MDN1: variants seen among roughly 807,000 people sequenced by gnomAD.
The protein encoded by MDN1 is midasin AAA ATPase 1.
In MDN1, 266 loss-of-function variants were observed where a neutral mutation model predicts 669.2. The observed-to-expected ratio is 0.40, with a 90% CI of 0.36 to 0.44. The LOEUF (loss-of-function observed/expected upper bound fraction) is 0.44. Ranked by LOEUF, MDN1 falls within the 20% of genes least tolerant of loss-of-function variation. MDN1 has a pLI of 1.00. For synonymous variants in MDN1, 2,385 were observed against 2,457.1 expected (o/e 0.97, Z 0.87); for missense variants, 5,940 against 6,754.0 (o/e 0.88, Z 4.22).
chr6:89,814,760 C>T (rs139976960), intron 1 of MDN1: 7,321 of 397,802 alleles, frequency 0.018, 131 homozygotes, highest in South Asian at 0.049. Flanking sequence ...CAGCAAGGAG[C>T]GGCAGCCTAT....
At chr6:89,777,580 G>C (rs1481741170) in intron 11 of MDN1, among the ~76,000 whole-genome samples, 2 of 152,152 alleles carry the variant, frequency 1.3e-5, no homozygotes, top group Non-Finnish European at 2.9e-5. Flanking sequence ...TAAAATGTAG[G>C]TGTAGTTTCT....
chr6:89,753,584 T>C lies in MDN1; in HGVS notation c.3003A>G (p.Ala1001=). 1 of 1,613,972 alleles carries C rather than the reference T, an allele frequency of 6.2e-7. No individual in the cohort carries two copies. The highest frequency in any genetic ancestry group is 1.1e-5 in the South Asian group (1 of 91,076). ...TGAGCTTCTGAACTATTGGGTGTGA[T>C]GCCCTGTCAAGCTGTGTTAAGAAAC... ...CLGFLTQLDR[A]SHPIVQKLIC... Residue 1001 remains alanine, a synonymous_variant, in exon 22 of 102, where the codon GCA becomes GCG. Transcript: ENST00000369393.
At chr6:89,746,611 A>AAAAGAAAGAAAGAAAGAAAGAAAG (rs35724331) in intron 27 of MDN1, among the ~76,000 whole-genome samples, 81 of 40,510 alleles carry the variant, frequency 2.0e-3, no homozygotes, top group African/African-American at 6.8e-3. Flanking sequence ...AAAAAAAAAA[A>AAAAGAAAGAAAGAAAGAAAGAAAG]AAAGAAAGAA....
At chr6:89,725,518 T>C in intron 37 of MDN1, 122 bp from the exon 38 acceptor site, 1 of 842,700 alleles carries the variant, frequency 1.2e-6, no homozygotes, top group Non-Finnish European at 1.9e-6. Context: ...TTTCAAACAA[T>C]ATTGATAACC....
At position 89,817,169 on chromosome 6, in the gene MDN1, T is replaced by C. The variant is rs1768895440; in HGVS notation, c.102+2337A>G. On this transcript the variant is annotated intron_variant, in intron 1 of 101. Coordinates refer to ENST00000369393, the MANE Select transcript of MDN1 (RefSeq NM_014611.3). ...TACATGTACTGAGTGATGGCTTAGG[T>C]CTCCCTAAAATGTATAAAACCAAGC... 2.6e-5 allele frequency among the ~76,000 whole-genome samples: 4 copies of C among 152,158 alleles called. No homozygotes were observed. In the South Asian group the frequency reaches 8.3e-4, roughly 31 times the overall value.
chr6:89,680,851 A>G, intron 73 of MDN1, 100 bp from the exon 74 acceptor site: 1 of 1,283,488 alleles, frequency 7.8e-7, no homozygotes. Context: ...ACACATCCCT[A>G]GTTCAGCAAA....
intron 26 of MDN1, 120 bp downstream of exon 26, chr6:89,749,103 A>G: frequency 4.2e-6 from 4 of 958,686 alleles, no homozygotes; most frequent in Non-Finnish European, 5.8e-6. Flanking sequence ...ACAATAAAAA[A>G]TAAAAAAAAA....
Position 89,730,898 on chromosome 6 carries a change from T to A in MDN1, c.4968A>T (p.Thr1656=). 12 of 1,614,078 alleles carry A rather than the reference T, an allele frequency of 7.4e-6. No homozygotes were observed. The highest frequency in any genetic ancestry group is 1.0e-5 in the Non-Finnish European group (12 of 1,179,964). Residue 1656 remains threonine (T), a synonymous_variant, in exon 35 of 102, where the codon ACA becomes ACT. Coordinates refer to ENST00000369393, the MANE Select transcript of MDN1 (RefSeq NM_014611.3). ...GSGVTSSGFG[T]ALLARKECLK... ...GACATTCTTTTCGTGCCAAAAGGGC[T>A]GTACCAAACCCAGAGGAAGTTACCC...
Position 89,695,094 on chromosome 6 carries a change from G to A in MDN1, c.9771+511C>T, listed in dbSNP as rs954851684. On this transcript the variant is annotated intron_variant, in intron 61 of 101. Coordinates refer to ENST00000369393, the MANE Select transcript of MDN1 (RefSeq NM_014611.3). This position sits in a 1 kb window ranked among gnomAD's most constrained non-coding sequence, Gnocchi z 4.1. ...CTAAAAATACAAAAATTAGCCAGGC[G>A]TGGTAGCGGGTTCCTGTAATCCCAG... Among the ~76,000 whole-genome samples, 1 of 152,112 alleles carries A rather than the reference G, an allele frequency of 6.6e-6. No homozygotes were observed. The highest frequency in any genetic ancestry group is 1.5e-5 in the Non-Finnish European group (1 of 68,022).
Position 89,762,427 on chromosome 6 carries a change from C to T in MDN1, c.2248G>A (p.Gly750Arg), listed in dbSNP as rs148570005. 6.2e-7 allele frequency: 1 copy of T among 1,614,026 alleles called. No individual in the cohort carries two copies. The highest frequency in any genetic ancestry group is 8.5e-7 in the Non-Finnish European group (1 of 1,179,974). Residue 750 changes from glycine to arginine, a missense_variant, in exon 16 of 102, where the codon GGG becomes AGG. Transcript: ENST00000369393. Reference sequence around the variant, plus strand: ...TGTCTGTAACAGGTCTGAATGTGCCCCAAGAACGTAAAGTTTTGTTTCTTG... The same window carrying T: ...TGTCTGTAACAGGTCTGAATGTGCCTCAAGAACGTAAAGTTTTGTTTCTTG... ...FSKKQNFTFL[G>R]HIQTCYRQKR...
intron 11 of MDN1, among the ~76,000 whole-genome samples, chr6:89,777,052 A>T (rs4142648): frequency 2.0e-5 from 3 of 151,938 alleles, no homozygotes; most frequent in African/African-American, 7.3e-5. Context: ...AGGTAATATC[A>T]AAAGACTGCT....
At chr6:89,700,025 A>C in intron 57 of MDN1, 38 bp downstream of exon 57, 1 of 1,582,896 alleles carries the variant, frequency 6.3e-7, no homozygotes, top group Non-Finnish European at 8.7e-7. Flanking sequence ...TCAAGAAAAA[A>C]AGTTCCCGCA....
chr6:89,658,100 C>G, intron 90 of MDN1, 109 bp downstream of exon 90: 1 of 1,364,922 alleles, frequency 7.3e-7, no homozygotes, highest in South Asian at 1.3e-5. Flanking sequence ...AAACAAACAA[C>G]AAAATAACCA....
chr6:89,749,223 C>T lies in MDN1; in HGVS notation c.3762G>A (p.Gln1254=), dbSNP rs760772584. ...ATACATTCCATTTGAAACTAAGTAC[C>T]TGAAGATCCAGCATGACTTTAACCA... is the stretch of plus-strand genomic sequence containing the variant. The part of the protein sequence containing the change: ...SKLVKVMLDL[Q]SYRRSSSVFA... The change falls in exon 26 of 102, where the codon CAG becomes CAA. Residue 1254 remains glutamine, a splice_region_variant and synonymous_variant. Transcript: ENST00000369393. 3.1e-6 allele frequency: 5 copies of T among 1,613,334 alleles called. No individual in the cohort carries two copies. In the Admixed American group the frequency reaches 6.7e-5, roughly 22 times the overall value.
chr6:89,696,980 T>C (rs1008704592), intron 59 of MDN1, among the ~76,000 whole-genome samples: 16 of 152,168 alleles, frequency 1.1e-4, no homozygotes, highest in African/African-American at 3.4e-4. Context: ...GTAATAGCTG[T>C]CCACAGCAAA....
At chr6:89,764,309 TG>T (rs1214433732) in intron 15 of MDN1, among the ~76,000 whole-genome samples, 1 of 152,126 alleles carries the variant, frequency 6.6e-6, no homozygotes, top group Non-Finnish European at 1.5e-5. Context: ...TACAATCAAA[TG>T]AAAGTGACAA....
Position 89,696,025 on chromosome 6 carries a change from T to C in MDN1, c.9384-33A>G, listed in dbSNP as rs1408688816. The C allele has an allele frequency of 3.2e-6, 5 of 1,568,744 alleles. No homozygotes were observed. In the South Asian group the frequency reaches 5.9e-5, roughly 18 times the overall value. ...GACAAAAAGAAAGCACTGAAAGGTT[T>C]GTACTGTATCAAAAAGCATTCCTTT... is the stretch of plus-strand genomic sequence containing the variant. On this transcript the variant is annotated intron_variant, in intron 60 of 101. Coordinates refer to ENST00000369393, the MANE Select transcript of MDN1 (RefSeq NM_014611.3).
At chr6:89,715,797 T>G (rs1349211136) in intron 44 of MDN1, 28 bp from the exon 45 acceptor site, 11 of 1,411,330 alleles carry the variant, frequency 7.8e-6, no homozygotes, top group Non-Finnish European at 1.0e-5. Flanking sequence ...AGATGGTGGA[T>G]AGGCTGACAT....
chr6:89,805,455 T>G (rs1584399569), intron 1 of MDN1, among the ~76,000 whole-genome samples: 1 of 152,098 alleles, frequency 6.6e-6, no homozygotes, highest in East Asian at 1.9e-4. Flanking sequence ...AGTGGGAGGA[T>G]AGCTTCAGCC....
Sources: gnomAD v4.1 joint callset for allele counts (sites outside exome capture counted in the v4.1 genomes callset) on GRCh38, gnomAD v4.1.1 for gene constraint, Gnocchi (gnomAD v3.1) non-coding constraint, MANE v1.5 for transcripts, NCBI Gene and HGNC (gene_info 2026-07-23, HGNC 2026-07-21) for gene names.